ROBO1: variants seen among roughly 807,000 people sequenced by gnomAD.
ROBO1 encodes roundabout homolog 1.
A neutral mutation model predicts 195.9 loss-of-function variants in ROBO1; 149 were observed. The ratio of observed to expected loss-of-function variants is 0.76; its 90% CI spans 0.67 to 0.87. The LOEUF (loss-of-function observed/expected upper bound fraction) is 0.87. ROBO1 is among the 40% of genes least tolerant of loss of function. ROBO1 has a pLI of 0.00. For missense variants in ROBO1, 1,933 were observed against 2,068.3 expected (o/e 0.93, Z 1.27); for synonymous variants, 816 against 733.2 (o/e 1.11, Z -1.82).
chr3:79,018,716 T>C lies in ROBO1; in HGVS notation c.173-79789A>G, dbSNP rs947803244. 6.3e-5 allele frequency: 82 copies of C among 1,292,510 alleles called. No homozygotes were observed. In the Middle Eastern group the frequency reaches 9.3e-4, roughly 15 times the overall value. 80.1% of individuals were successfully genotyped at this position (1,292,510 alleles called of 1,614,324 possible). On this transcript the variant is annotated intron_variant, in intron 3 of 30. Transcript: ENST00000464233. ...GATTTCCGAGGAGGCTCAGACACTT[T>C]CAAGAACCATCCAAAGCGAACAACA...
At chr3:79,613,373 G>T (rs1439014209) in intron 1 of ROBO1, among the ~76,000 whole-genome samples, 1 of 151,862 alleles carries the variant, frequency 6.6e-6, no homozygotes. Flanking sequence ...TTAAATTCTT[G>T]AGCAACAGCT....
chr3:78,855,234 G>A (rs2034341755), intron 4 of ROBO1, among the ~76,000 whole-genome samples: 1 of 152,130 alleles, frequency 6.6e-6, no homozygotes, highest in South Asian at 2.1e-4. Context: ...AATGGAGTCT[G>A]CATTTGTAGT....
chr3:79,091,378 G>GA (rs1199909032), intron 3 of ROBO1, among the ~76,000 whole-genome samples: 11 of 151,510 alleles, frequency 7.3e-5, no homozygotes, highest in Admixed American at 5.9e-4. Context: ...AATATATGGA[G>GA]AAAAAAAAGA....
At chr3:79,043,550 T>A (rs2078528537) in intron 3 of ROBO1, among the ~76,000 whole-genome samples, 1 of 151,034 alleles carries the variant, frequency 6.6e-6, no homozygotes, top group Non-Finnish European at 1.5e-5. Context: ...TCATATAGAT[T>A]TTTTTTTAAA....
chr3:79,139,739 T>G (rs1399839719), intron 2 of ROBO1, among the ~76,000 whole-genome samples: 1 of 152,138 alleles, frequency 6.6e-6, no homozygotes. Context: ...TACTTCTGGC[T>G]CTCTCCGTCT....
At chr3:78,601,240 T>C (rs1043927186) in intron 29 of ROBO1, among the ~76,000 whole-genome samples, 1 of 152,184 alleles carries the variant, frequency 6.6e-6, no homozygotes, top group African/African-American at 2.4e-5. Flanking sequence ...TGACGTTCTC[T>C]GTAGTGGAAG....
intron 3 of ROBO1, among the ~76,000 whole-genome samples, chr3:79,014,426 T>A (rs1370055514): frequency 6.6e-6 from 1 of 152,060 alleles, no homozygotes; most frequent in African/African-American, 2.4e-5. Context: ...TGAGCCAAGA[T>A]CACACCACCA....
chr3:79,559,303 A>C (rs1942822525), intron 2 of ROBO1, among the ~76,000 whole-genome samples: 1 of 152,152 alleles, frequency 6.6e-6, no homozygotes, highest in Non-Finnish European at 1.5e-5. Flanking sequence ...TGCTCAAGTA[A>C]ACTCTGTTAC....
chr3:79,003,457 A>G (rs1329046029), intron 3 of ROBO1, among the ~76,000 whole-genome samples: 1 of 152,060 alleles, frequency 6.6e-6, no homozygotes, highest in Non-Finnish European at 1.5e-5. Flanking sequence ...AATAGAAACA[A>G]TGCAACAATT....
intron 1 of ROBO1, among the ~76,000 whole-genome samples, chr3:79,737,673 C>A (rs1703446791): frequency 6.6e-6 from 1 of 151,866 alleles, no homozygotes; most frequent in Non-Finnish European, 1.5e-5. Context: ...AAAAATCCCA[C>A]CTGTGTGACA....
chr3:78,757,393 T>C (rs754690937), intron 4 of ROBO1, among the ~76,000 whole-genome samples: 2 of 151,784 alleles, frequency 1.3e-5, no homozygotes, highest in African/African-American at 2.4e-5. Context: ...GAGTGTTTTC[T>C]AATTTAAATA....
At chr3:79,149,981 C>A (rs748402501) in intron 2 of ROBO1, among the ~76,000 whole-genome samples, 2 of 151,740 alleles carry the variant, frequency 1.3e-5, no homozygotes, top group Non-Finnish European at 2.9e-5. Flanking sequence ...CCTGGTAAAG[C>A]TCCTGGAGGT....
intron 1 of ROBO1, among the ~76,000 whole-genome samples, chr3:79,711,554 A>T (rs1354551026): frequency 6.6e-6 from 1 of 152,172 alleles, no homozygotes; most frequent in Non-Finnish European, 1.5e-5. Flanking sequence ...AAATTCTCAC[A>T]TCTAATCATA....
chr3:79,028,513 A>G (rs1167653959), intron 3 of ROBO1, among the ~76,000 whole-genome samples: 1 of 151,952 alleles, frequency 6.6e-6, no homozygotes, highest in African/African-American at 2.4e-5. Context: ...AATCCTGTGA[A>G]GGTGTGCATA....
At chr3:79,239,125 T>C (rs991892425) in intron 2 of ROBO1, among the ~76,000 whole-genome samples, 12 of 152,090 alleles carry the variant, frequency 7.9e-5, no homozygotes, top group Admixed American at 2.0e-4. Flanking sequence ...TATGATCAAA[T>C]CTCAACGAAC....
intron 2 of ROBO1, among the ~76,000 whole-genome samples, chr3:79,496,398 A>T (rs1939743851): frequency 3.7e-5 from 1 of 27,266 alleles, no homozygotes; most frequent in African/African-American, 3.8e-4. Flanking sequence ...TTTTTTTGAG[A>T]CGGAGTCTCG....
chr3:78,938,736 G>A lies in ROBO1; in HGVS notation c.364C>T (p.Leu122=). 1 of 1,613,948 alleles carries A rather than the reference G, an allele frequency of 6.2e-7. No individual in the cohort carries two copies. Among genetic ancestry groups the A allele is most frequent in the South Asian group, 1.1e-5 (1 of 91,080 alleles). ...KDDPRSHRML[L]PSGSLFFLRI... Reference sequence around the variant, plus strand: ...AAGAAAAATAAAGATCCACTCGGCAGCAACATTCGGTGTGAGCGAGGGTCA... The same window carrying A: ...AAGAAAAATAAAGATCCACTCGGCAACAACATTCGGTGTGAGCGAGGGTCA... The change falls in exon 4 of 31, where the codon CTG becomes TTG. Residue 122 remains leucine, a synonymous_variant. Coordinates refer to ENST00000464233, the MANE Select transcript of ROBO1 (RefSeq NM_002941.4).
At chr3:79,570,141 G>T (rs1304898980) in intron 2 of ROBO1, among the ~76,000 whole-genome samples, 7 of 151,866 alleles carry the variant, frequency 4.6e-5, no homozygotes, top group African/African-American at 1.7e-4. Context: ...AACAATGATG[G>T]CAAGCACAAC....
intron 2 of ROBO1, among the ~76,000 whole-genome samples, chr3:79,188,544 A>G (rs34673005): frequency 0.088 from 13,434 of 151,810 alleles, 1,027 homozygotes; most frequent in African/African-American, 0.21. Flanking sequence ...GCACCTTTGC[A>G]CACGCACACA....
Sources: gnomAD v4.1 joint callset for allele counts (sites outside exome capture counted in the v4.1 genomes callset) on GRCh38, gnomAD v4.1.1 for gene constraint, MANE v1.5 for transcripts, NCBI Gene and HGNC (gene_info 2026-07-23, HGNC 2026-07-21) for gene names.